Variants in EYA1 observed in about 807,000 individuals in gnomAD.
The protein encoded by EYA1 is EYA transcriptional coactivator and phosphatase 1, also known as protein phosphatase EYA1.
A neutral mutation model predicts 82.0 loss-of-function variants in EYA1; 16 were observed. The observed-to-expected ratio is 0.20, with a 90% CI of 0.13 to 0.30. The LOEUF (loss-of-function observed/expected upper bound fraction) is 0.30, where lower values mean the gene tolerates loss of function less well. Among genes scored for constraint, EYA1 ranks in the 10% least tolerant of loss-of-function variants. The pLI is 1.00. For synonymous variants in EYA1, 261 were observed against 264.4 expected (o/e 0.99, Z 0.12); for missense variants, 633 against 730.7 (o/e 0.87, Z 1.54).
chr8:71,407,033 G>A lies in EYA1; in HGVS notation c.34-50522C>T, dbSNP rs1369351583. Among the ~76,000 whole-genome samples, 353 of 116,234 alleles carry A rather than the reference G, an allele frequency of 3.0e-3. 5 individuals carry two copies. Among genetic ancestry groups the A allele is most frequent in the African/African-American group, 9.6e-3 (339 of 35,300 alleles). The allele number at this position is 116,234 out of a possible 152,430, so 76.3% of individuals were successfully genotyped here. ...AGCACGCAGCTGGAGATCTGAGAAC[G>A]GGCAGACTGCCTCCTCAAGTGGGTC... On this transcript the variant is annotated intron_variant, in intron 2 of 18. Coordinates refer to the EYA1 transcript ENST00000643681.
intron 16 of EYA1, among the ~76,000 whole-genome samples, chr8:71,214,697 A>C (rs958878738): frequency 7.9e-5 from 12 of 152,276 alleles, no homozygotes; most frequent in African/African-American, 2.9e-4. Flanking sequence ...ATAAAGATTG[A>C]CTTTAAATGC....
chr8:71,498,331 A>G (rs1290007031), intron 2 of EYA1, among the ~76,000 whole-genome samples: 1 of 152,200 alleles, frequency 6.6e-6, no homozygotes, highest in Admixed American at 6.5e-5. Flanking sequence ...AATTTTATCT[A>G]CCAATTTTAA....
intron 4 of EYA1, among the ~76,000 whole-genome samples, chr8:71,326,087 C>G (rs922269563): frequency 6.6e-6 from 1 of 152,188 alleles, no homozygotes; most frequent in African/African-American, 2.4e-5. Context: ...ACCAATATCT[C>G]TTCATCTGTT....
intron 2 of EYA1, among the ~76,000 whole-genome samples, chr8:71,509,356 A>T (rs1447890862): frequency 6.6e-6 from 1 of 152,212 alleles, no homozygotes; most frequent in Non-Finnish European, 1.5e-5. Context: ...ATTGCTTTAC[A>T]TAAGGTTAAC....
intron 9 of EYA1, among the ~76,000 whole-genome samples, chr8:71,285,040 A>G (rs1037456724): frequency 6.6e-6 from 1 of 152,208 alleles, no homozygotes; most frequent in African/African-American, 2.4e-5. Flanking sequence ...CTTGTCTTCT[A>G]TATCTCCATA....
intron 2 of EYA1, among the ~76,000 whole-genome samples, chr8:71,439,252 A>G (rs1418248702): frequency 6.6e-6 from 1 of 152,216 alleles, no homozygotes; most frequent in Non-Finnish European, 1.5e-5. Context: ...CTTACTCAGT[A>G]CCATCTATCA....
intron 2 of EYA1, among the ~76,000 whole-genome samples, chr8:71,444,698 C>A (rs1160557648): frequency 6.6e-6 from 1 of 152,186 alleles, no homozygotes; most frequent in Non-Finnish European, 1.5e-5. Flanking sequence ...ACCAAGCCTA[C>A]ACTGAGGGGT....
intron 7 of EYA1, among the ~76,000 whole-genome samples, chr8:71,313,613 T>C (rs1428311469): frequency 6.6e-6 from 1 of 152,166 alleles, no homozygotes; most frequent in African/African-American, 2.4e-5. Context: ...CACAACAGTA[T>C]TGTGGGAGTA....
intron 2 of EYA1, among the ~76,000 whole-genome samples, chr8:71,422,164 A>T (rs996125888): frequency 5.3e-5 from 8 of 152,296 alleles, no homozygotes; most frequent in African/African-American, 1.7e-4. Context: ...GAAAAAAATG[A>T]TCACTTTACT....
chr8:71,239,470 C>T (rs770337551), intron 12 of EYA1, among the ~76,000 whole-genome samples: 2 of 152,158 alleles, frequency 1.3e-5, no homozygotes, highest in Non-Finnish European at 2.9e-5. Flanking sequence ...AGGCAACATT[C>T]TGAGTGTTAT....
chr8:71,280,156 C>T (rs1380277228), intron 9 of EYA1, among the ~76,000 whole-genome samples: 2 of 152,124 alleles, frequency 1.3e-5, no homozygotes, highest in South Asian at 2.1e-4. Context: ...TTACCAGGCT[C>T]TTTGTAGTCA....
At chr8:71,509,290 T>C (rs1357192337) in intron 2 of EYA1, among the ~76,000 whole-genome samples, 1 of 152,208 alleles carries the variant, frequency 6.6e-6, no homozygotes, top group Admixed American at 6.6e-5. Context: ...AAATATATTA[T>C]TTTTGTGGAA....
intron 2 of EYA1, among the ~76,000 whole-genome samples, chr8:71,425,104 C>CAAAAAAAAAAAAAAAAAAAAAA (rs71264555): frequency 1.3e-5 from 1 of 75,292 alleles, no homozygotes; most frequent in African/African-American, 5.6e-5. Flanking sequence ...ACTAAAAATA[C>CAAAAAAAAAAAAAAAAAAAAAA]AAAAAAAAAA....
rs78744116 is a variant in EYA1 at position 71,350,988 on chromosome 8, C to T, written c.124+3794G>A. Among the ~76,000 whole-genome samples, 32 of 152,300 alleles carry T rather than the reference C, an allele frequency of 2.1e-4. No individual in the cohort carries two copies. The East Asian group carries it at 3.1e-3, about 15-fold the overall frequency. On this transcript the variant is annotated intron_variant, in intron 3 of 17. Coordinates refer to ENST00000340726, the MANE Select transcript of EYA1 (RefSeq NM_000503.6). ...CTTAACACAAATATCAACACAAAGC[C>T]TTTGCCACGCAGAGGCTTGCACAGA...
At chr8:71,232,275 G>A (rs1370885110) in intron 12 of EYA1, among the ~76,000 whole-genome samples, 1 of 152,184 alleles carries the variant, frequency 6.6e-6, no homozygotes, top group Non-Finnish European at 1.5e-5. Context: ...CACTAAGGAC[G>A]CCCAGCAGCC....
At chr8:71,338,363 T>C (rs571236923) in intron 3 of EYA1, among the ~76,000 whole-genome samples, 26 of 152,378 alleles carry the variant, frequency 1.7e-4, no homozygotes, top group African/African-American at 6.3e-4. Context: ...ATGGTTTACA[T>C]GGCAATTGTG....
chr8:71,260,755 G>T (rs1815000592), intron 11 of EYA1, among the ~76,000 whole-genome samples: 1 of 152,224 alleles, frequency 6.6e-6, no homozygotes, highest in African/African-American at 2.4e-5. Flanking sequence ...ACTGGGAGTT[G>T]TGGTAGCCCA....
At chr8:71,289,179 G>A (rs1379597839) in intron 9 of EYA1, among the ~76,000 whole-genome samples, 1 of 152,146 alleles carries the variant, frequency 6.6e-6, no homozygotes, top group African/African-American at 2.4e-5. Flanking sequence ...TGTTCCCTAA[G>A]CAGGTCCATG....
At chr8:71,220,193 A>G (rs550847694) in intron 12 of EYA1, among the ~76,000 whole-genome samples, 36 of 152,338 alleles carry the variant, frequency 2.4e-4, no homozygotes, top group African/African-American at 8.4e-4. Flanking sequence ...AACATACATA[A>G]TTCTATGGGA....
Sources: allele counts gnomAD v4.1 joint callset (sites outside exome capture counted in the v4.1 genomes callset), GRCh38; gene constraint gnomAD v4.1.1; transcripts MANE v1.5; gene names NCBI Gene and HGNC (gene_info 2026-07-23, HGNC 2026-07-21).